Variants in CDH18 observed in about 807,000 individuals in gnomAD.
The protein encoded by CDH18 is cadherin 18, also known as cadherin-18.
A neutral mutation model predicts 67.9 loss-of-function variants in CDH18; 31 were observed. That is an observed-to-expected ratio of 0.46 (90% CI 0.34 to 0.62). The LOEUF (loss-of-function observed/expected upper bound fraction) is 0.62, where lower values mean the gene tolerates loss of function less well. Ranked by LOEUF, CDH18 falls within the 20% of genes least tolerant of loss-of-function variation. The pLI is 0.01. For missense variants in CDH18, 890 were observed against 975.5 expected (o/e 0.91, Z 1.17); for synonymous variants, 362 against 347.2 (o/e 1.04, Z -0.48).
intron 2 of CDH18, among the ~76,000 whole-genome samples, chr5:19,921,486 G>C (rs574142270): frequency 2.0e-4 from 29 of 148,584 alleles, no homozygotes; most frequent in Non-Finnish European, 4.1e-4. Flanking sequence ...AGCCGAGATC[G>C]CTCCACTGCA....
chr5:19,935,811 T>TCTCG (rs1326389888), intron 2 of CDH18, among the ~76,000 whole-genome samples: 1 of 150,010 alleles, frequency 6.7e-6, no homozygotes, highest in African/African-American at 2.4e-5. Context: ...TCTCTCTCTC[T>TCTCG]CTCTCTCTCT....
chr5:19,509,965 T>G (rs189291238), intron 10 of CDH18, among the ~76,000 whole-genome samples: 15 of 152,256 alleles, frequency 9.9e-5, no homozygotes, highest in Non-Finnish European at 2.1e-4. Flanking sequence ...GTATCTCTAT[T>G]TACCTGAACT....
chr5:20,019,785 C>T (rs1456086816), intron 2 of CDH18, among the ~76,000 whole-genome samples: 1 of 152,078 alleles, frequency 6.6e-6, no homozygotes, highest in African/African-American at 2.4e-5. Flanking sequence ...TGGGGCATTG[C>T]TATATAGATA....
chr5:20,526,459 T>C (rs1756068032), intron 1 of CDH18, among the ~76,000 whole-genome samples: 1 of 152,000 alleles, frequency 6.6e-6, no homozygotes, highest in Admixed American at 6.6e-5. Context: ...CCTCCTGACT[T>C]GGGAAGATCT....
intron 1 of CDH18, among the ~76,000 whole-genome samples, chr5:20,319,559 T>C (rs1561967586): frequency 6.6e-6 from 1 of 152,194 alleles, no homozygotes; most frequent in East Asian, 1.9e-4. Context: ...TAACACATTA[T>C]TTGTTTCAGA....
At chr5:19,719,386 G>A (rs1357572336) in intron 5 of CDH18, among the ~76,000 whole-genome samples, 1 of 151,892 alleles carries the variant, frequency 6.6e-6, no homozygotes, top group South Asian at 2.1e-4. Flanking sequence ...CAGCATTCCT[G>A]TTACTTTCCT....
intron 2 of CDH18, among the ~76,000 whole-genome samples, chr5:20,125,419 T>C (rs1748741468): frequency 2.6e-5 from 4 of 152,132 alleles, no homozygotes; most frequent in Non-Finnish European, 5.9e-5. Context: ...ATACAAAGTG[T>C]CATCCACTGT....
At chr5:20,390,362 A>G (rs1340200810) in intron 1 of CDH18, among the ~76,000 whole-genome samples, 1 of 152,228 alleles carries the variant, frequency 6.6e-6, no homozygotes. Context: ...GGAGAGATTT[A>G]TGCAGCCAAA....
intron 1 of CDH18, among the ~76,000 whole-genome samples, chr5:20,404,766 T>TATTGAAAAA (rs1164324426): frequency 3.3e-5 from 5 of 152,250 alleles, no homozygotes; most frequent in African/African-American, 4.8e-5. Context: ...GAGCACATGC[T>TATTGAAAAA]ATTGAAAAAA....
intron 1 of CDH18, among the ~76,000 whole-genome samples, chr5:20,449,446 T>G (rs1750259841): frequency 6.6e-6 from 1 of 152,094 alleles, no homozygotes; most frequent in Non-Finnish European, 1.5e-5. Flanking sequence ...ATAAATGATG[T>G]ATAAATTTAA....
At chr5:20,370,065 G>T (rs548457014) in intron 1 of CDH18, among the ~76,000 whole-genome samples, 1 of 151,840 alleles carries the variant, frequency 6.6e-6, no homozygotes, top group Non-Finnish European at 1.5e-5. Flanking sequence ...AGATATATAG[G>T]CTTCAAAGTT....
intron 1 of CDH18, among the ~76,000 whole-genome samples, chr5:20,515,963 A>G (rs1418123468): frequency 6.6e-6 from 1 of 152,048 alleles, no homozygotes; most frequent in African/African-American, 2.4e-5. Flanking sequence ...ATTGATAGTC[A>G]CCGGGTGACT....
chr5:20,136,382 T>C (rs1178570533), intron 2 of CDH18, among the ~76,000 whole-genome samples: 2 of 152,190 alleles, frequency 1.3e-5, no homozygotes, highest in African/African-American at 4.8e-5. Flanking sequence ...TGGTTTAAAG[T>C]CTGTTTTATC....
intron 2 of CDH18, among the ~76,000 whole-genome samples, chr5:19,904,288 G>GAA (rs1790283623): frequency 6.9e-6 from 1 of 144,448 alleles, no homozygotes; most frequent in Non-Finnish European, 1.5e-5. Context: ...AAGAAAAGAA[G>GAA]GAAAGAAAAA....
intron 5 of CDH18, among the ~76,000 whole-genome samples, chr5:19,667,736 A>G (rs1758167263): frequency 6.6e-6 from 1 of 151,798 alleles, no homozygotes; most frequent in Non-Finnish European, 1.5e-5. Flanking sequence ...AAAGTTTTAT[A>G]TATTTTCATA....
intron 2 of CDH18, among the ~76,000 whole-genome samples, chr5:20,038,323 A>C (rs1740075658): frequency 6.6e-6 from 1 of 152,188 alleles, no homozygotes; most frequent in Non-Finnish European, 1.5e-5. Context: ...CAACTGAAAA[A>C]GAGGGACTCA....
rs367891310 is a variant in CDH18, at chr5:19,822,009, C to T, written c.228+16750G>A. ...AATGATACCTGCTTCCACAAAGACA[C>T]ACTTAAGTACTTAGTGACAGACCCT... On this transcript the variant is annotated intron_variant, in intron 3 of 12. Coordinates refer to ENST00000382275, the MANE Select transcript of CDH18 (RefSeq NM_004934.5). Among the ~76,000 whole-genome samples, 14 of 152,250 alleles carry T rather than the reference C, an allele frequency of 9.2e-5. 2 individuals are homozygous for T. Among genetic ancestry groups the T allele is most frequent in the Admixed American group, 7.2e-4 (11 of 15,282 alleles).
At chr5:19,574,409 G>C (rs1741970464) in intron 7 of CDH18, among the ~76,000 whole-genome samples, 1 of 152,102 alleles carries the variant, frequency 6.6e-6, no homozygotes, top group African/African-American at 2.4e-5. Flanking sequence ...ATTTTAGGTT[G>C]GGACAGGAAT....
chr5:19,745,713 T>G (rs1561208513), intron 4 of CDH18, among the ~76,000 whole-genome samples: 1 of 152,102 alleles, frequency 6.6e-6, no homozygotes, highest in Non-Finnish European at 1.5e-5. Context: ...GGTTCCTGTG[T>G]TCTGCTGGGG....
Sources: allele counts gnomAD v4.1 joint callset (sites outside exome capture counted in the v4.1 genomes callset), GRCh38; gene constraint gnomAD v4.1.1; transcripts MANE v1.5; gene names NCBI Gene and HGNC (gene_info 2026-07-23, HGNC 2026-07-21).